ZNF431: variants seen among roughly 807,000 people sequenced by gnomAD.
ZNF431 encodes the protein zinc finger protein 431.
In ZNF431, 34 loss-of-function variants were observed where a neutral mutation model predicts 57.0. The ratio of observed to expected loss-of-function variants is 0.60; its 90% confidence interval spans 0.45 to 0.79. The LOEUF is 0.79. Among genes scored for constraint, ZNF431 ranks in the 30% least tolerant of loss-of-function variants. The probability of loss-of-function intolerance (pLI) is 0.00; values close to 1 mark genes in which losing one functional copy is unlikely to be tolerated. For synonymous variants in ZNF431, 207 were observed against 220.3 expected (o/e 0.94, Z 0.54); for missense variants, 607 against 667.1 (o/e 0.91, Z 0.99).
At position 21,191,996 on chromosome 19, in the gene ZNF431, A is replaced by G. The variant is rs994833354; in HGVS notation, c.*7962A>G. 1.3e-5 allele frequency: 2 copies of G among 152,164 alleles called. No individual in the cohort carries two copies. The highest frequency in any genetic ancestry group is 4.8e-5 in the African/African-American group (2 of 41,440). The allele number at this position is 152,164 out of a possible 1,614,324, so 9.4% of individuals were successfully genotyped here. ...TTCATGAATAGTCCATTTATGTATT[A>G]ATTTCTATTTAGAATGTAAGGCGTT... On this transcript the variant is annotated 3_prime_UTR_variant, in exon 5 of 5. Transcript: ENST00000311048.
chr19:21,167,164 CT>C (rs781098845), intron 3 of ZNF431, among the ~76,000 whole-genome samples: 235 of 142,206 alleles, frequency 1.7e-3, no homozygotes, highest in East Asian at 2.9e-3. Context: ...GGCTAAAACA[CT>C]TTTTTTTTTT....
intron 4 of ZNF431, among the ~76,000 whole-genome samples, chr19:21,174,413 T>C (rs916885465): frequency 6.6e-6 from 1 of 152,222 alleles, no homozygotes; most frequent in African/African-American, 2.4e-5. Flanking sequence ...GGAGCCCTTA[T>C]GTCATATGTA....
At position 21,187,015 on chromosome 19, in the gene ZNF431, CAT is replaced by C. The variant is rs780460852; in HGVS notation, c.*2986_*2987del. ...TGTTTTTATATATAAATGTAGCAAA[CAT>C]ATATTACAGTTTTCACTGTGTAATA... is the stretch of plus-strand genomic sequence containing the variant. On this transcript the variant is annotated 3_prime_UTR_variant, in exon 5 of 5. Transcript: ENST00000311048. 5.3e-5 allele frequency: 8 copies of C among 152,168 alleles called. No homozygotes were observed. The highest frequency in any genetic ancestry group is 9.6e-5 in the African/African-American group (4 of 41,514). 9.4% of individuals were successfully genotyped at this position (152,168 alleles called of 1,614,324 possible). A position where few individuals can be genotyped will look rare whatever the true frequency, so the allele number is the denominator to read the frequency against.
chr19:21,175,968 A>G (rs961384953), intron 4 of ZNF431, among the ~76,000 whole-genome samples: 6 of 152,228 alleles, frequency 3.9e-5, no homozygotes, highest in Non-Finnish European at 7.3e-5. Context: ...GTCCAATAGT[A>G]TATCTGGTTC....
intron 4 of ZNF431, among the ~76,000 whole-genome samples, chr19:21,181,354 T>C (rs936988747): frequency 2.6e-5 from 4 of 152,198 alleles, no homozygotes; most frequent in Non-Finnish European, 5.9e-5. Context: ...ACAGATATGC[T>C]GATGGTATTA....
At position 21,182,910 on chromosome 19, in the gene ZNF431, C is replaced by T. The variant is rs912888829; in HGVS notation, c.607C>T (p.Pro203Ser). The T allele has an allele frequency of 1.2e-6, 2 of 1,613,986 alleles. No individual in the cohort carries two copies. Among genetic ancestry groups the T allele is most frequent in the South Asian group, 1.1e-5 (1 of 91,066 alleles). ...RHKTRHTGKK[P>S]FKCKKCGKSF... is the part of the protein sequence containing the mutation. ...TAAGACAAGACATACTGGAAAGAAA[C>T]CTTTCAAATGTAAAAAATGTGGCAA... The change falls in exon 5 of 5, where the codon CCT becomes TCT. Residue 203 changes from proline to serine, a missense_variant. Pro to Ser is a moderately conservative substitution (Grantham distance 74). Transcript: ENST00000311048.
rs777160017 is a variant in ZNF431, at chr19:21,182,904, A to G, written c.601A>G (p.Lys201Glu). ...TAGACATAAGACAAGACATACTGGA[A>G]AGAAACCTTTCAAATGTAAAAAATG... ...ANRHKTRHTG[K>E]KPFKCKKCGK... Residue 201 changes from lysine to glutamate, a missense_variant, in exon 5 of 5, where the codon AAG (lysine) becomes GAG (glutamate). Physicochemically the swap from Lys to Glu is moderately conservative, Grantham distance 56. Transcript: ENST00000311048. The G allele has an allele frequency of 8.1e-6, 13 of 1,614,076 alleles. No homozygotes were observed. The highest frequency in any genetic ancestry group is 2.2e-5 in the East Asian group (1 of 44,852).
chr19:21,193,057 T>C lies in ZNF431; in HGVS notation c.*9023T>C, dbSNP rs376920974. The C allele has an allele frequency of 3.9e-5, 6 of 152,304 alleles. No homozygotes were observed. Among genetic ancestry groups the C allele is most frequent in the South Asian group, 2.1e-4 (1 of 4,830 alleles). The allele number at this position is 152,304 out of a possible 1,614,324, so 9.4% of individuals were successfully genotyped here. On this transcript the variant is annotated 3_prime_UTR_variant, in exon 5 of 5. Coordinates refer to ENST00000311048, the MANE Select transcript of ZNF431 (RefSeq NM_133473.4). ...GAACAGGGCAAAAATGTATAAAATA[T>C]ATAATGAAATTGAATTAATAATTTA...
intron 4 of ZNF431, among the ~76,000 whole-genome samples, chr19:21,168,371 A>AT (rs548268547): frequency 0.016 from 2,335 of 145,636 alleles, 47 homozygotes; most frequent in South Asian, 0.083. Context: ...CAAGACATGA[A>AT]TTTTTTTTTT....
chr19:21,176,174 C>G (rs1342161447), intron 4 of ZNF431, among the ~76,000 whole-genome samples: 1 of 151,286 alleles, frequency 6.6e-6, no homozygotes, highest in Non-Finnish European at 1.5e-5. Context: ...CTTTAATGAT[C>G]ACTGATGTTG....
chr19:21,175,331 A>G (rs955031228), intron 4 of ZNF431: 2 of 652,308 alleles, frequency 3.1e-6, no homozygotes, highest in East Asian at 2.8e-5. Flanking sequence ...CTGAGATTAC[A>G]TTATTTTTAT....
chr19:21,142,056 T>G lies in ZNF431; in HGVS notation c.-128T>G. 1 of 1,271,574 alleles carries G rather than the reference T, an allele frequency of 7.9e-7. No individual in the cohort carries two copies. The highest frequency in any genetic ancestry group is 2.3e-5 in the East Asian group (1 of 42,574). The allele number at this position is 1,271,574 out of a possible 1,614,324, so 78.8% of individuals were successfully genotyped here. ...GGGGCCTTTGTCTCTCGCCGCAGCC[T>G]GAGCTCCAGGTCTCCCCTTCGCTGC... On this transcript the variant is annotated 5_prime_UTR_variant, in exon 1 of 5. Transcript: ENST00000311048.
intron 2 of ZNF431, among the ~76,000 whole-genome samples, chr19:21,158,159 G>T (rs993310923): frequency 1.3e-4 from 20 of 152,010 alleles, no homozygotes; most frequent in African/African-American, 4.8e-4. Context: ...TTTTCTATCT[G>T]TGAGCATAAC....
intron 2 of ZNF431, chr19:21,149,783 G>A (rs1970214887): frequency 1.6e-6 from 1 of 634,864 alleles, no homozygotes. Flanking sequence ...GGTCCTGATA[G>A]CTTCCCCCAG....
In ZNF431 at chr19:21,182,752, G is replaced by A. The variant is rs764925946; in HGVS notation, c.449G>A (p.Ser150Asn). 1 of 1,613,964 alleles carries A rather than the reference G, an allele frequency of 6.2e-7. No homozygotes were observed. Among genetic ancestry groups the A allele is most frequent in the Non-Finnish European group, 8.5e-7 (1 of 1,179,894 alleles). The change falls in exon 5 of 5, where the codon AGT (serine) becomes AAT (asparagine). Residue 150 changes from serine to asparagine, a missense_variant. Coordinates refer to ENST00000311048, the MANE Select transcript of ZNF431 (RefSeq NM_133473.4). ...ENLQLRKGSASVDEYKVHKEG... is the reference protein window; with the variant it reads ...ENLQLRKGSANVDEYKVHKEG... ...TTACAGTTAAGAAAAGGCTCCGCAA[G>A]TGTAGATGAGTATAAGGTGCACAAA... is the stretch of plus-strand genomic sequence containing the variant.
chr19:21,150,874 G>T (rs932905960), intron 2 of ZNF431, among the ~76,000 whole-genome samples: 46 of 152,140 alleles, frequency 3.0e-4, no homozygotes, highest in African/African-American at 1.0e-3. Flanking sequence ...ATTGCAAAAC[G>T]AACAGAACCT....
chr19:21,156,173 C>G (rs368851085), intron 2 of ZNF431, among the ~76,000 whole-genome samples: 4 of 152,298 alleles, frequency 2.6e-5, no homozygotes, highest in South Asian at 4.1e-4. Context: ...CTGGCATATC[C>G]CCACATGCAG....
chr19:21,146,845 A>T (rs889199869), intron 2 of ZNF431, among the ~76,000 whole-genome samples: 1 of 152,136 alleles, frequency 6.6e-6, no homozygotes, highest in Non-Finnish European at 1.5e-5. Flanking sequence ...CCCTATTCAA[A>T]ATAGATGTGC....
intron 4 of ZNF431, among the ~76,000 whole-genome samples, chr19:21,181,497 C>G (rs1201044393): frequency 6.6e-6 from 1 of 151,876 alleles, no homozygotes; most frequent in Non-Finnish European, 1.5e-5. Flanking sequence ...TCGTTTTTAT[C>G]TTGCAGCTCC....
Sources: allele counts gnomAD v4.1 joint callset (sites outside exome capture counted in the v4.1 genomes callset), GRCh38; gene constraint gnomAD v4.1.1; transcripts MANE v1.5; gene names NCBI Gene and HGNC (gene_info 2026-07-23, HGNC 2026-07-21).